Variants in XPO7 observed in about 807,000 individuals in gnomAD.
XPO7 encodes exportin 7, also known as exportin-7.
XPO7 carries 21 observed loss-of-function variants against 144.3 expected under a neutral mutation model. That is an observed-to-expected ratio of 0.15 (90% CI 0.10 to 0.21). The LOEUF is 0.21. XPO7 is among the 10% of genes least tolerant of loss of function. The pLI, the probability that XPO7 is intolerant of heterozygous loss-of-function variation, is 1.00. For missense variants in XPO7, 808 were observed against 1,325.8 expected (o/e 0.61, Z 6.06); for synonymous variants, 580 against 499.6 (o/e 1.16, Z -2.15).
Position 21,964,539 on chromosome 8 carries a change from A to T in XPO7, c.19-2318A>T, listed in dbSNP as rs187255830. Among the ~76,000 whole-genome samples the T allele has an allele frequency of 7.5e-3, 1,137 of 152,296 alleles. 15 individuals carry two copies. The highest frequency in any genetic ancestry group is 0.037 in the Admixed American group (561 of 15,288). ...CGGTAGTGTGGGCAACCCAAAGAAA[A>T]TGACCCTGTTTTTCAGATGTTTCCA... On this transcript the variant is annotated intron_variant, in intron 1 of 27. Transcript: ENST00000252512.
intron 3 of XPO7, 200 bp from the exon 4 acceptor site, chr8:21,969,944 A>T (rs1811998350): frequency 4.8e-6 from 3 of 630,222 alleles, no homozygotes; most frequent in Non-Finnish European, 7.8e-6. Context: ...GAGACAAAAT[A>T]AAATTCTGAA....
At chr8:21,930,431 C>T (rs1810607029) in intron 1 of XPO7, among the ~76,000 whole-genome samples, 1 of 152,160 alleles carries the variant, frequency 6.6e-6, no homozygotes. Flanking sequence ...TAGGACACAT[C>T]TATGCATAGA....
At chr8:21,937,102 A>G (rs1810844841) in intron 1 of XPO7, among the ~76,000 whole-genome samples, 1 of 152,248 alleles carries the variant, frequency 6.6e-6, no homozygotes, top group Non-Finnish European at 1.5e-5. Flanking sequence ...ATAAGAGGTT[A>G]AAAGTTTCAA....
At chr8:21,928,173 ATAATGGACTTACTG>A (rs2117242717) in intron 1 of XPO7, among the ~76,000 whole-genome samples, 1 of 152,230 alleles carries the variant, frequency 6.6e-6, no homozygotes, top group East Asian at 1.9e-4. Flanking sequence ...GGAATTTTAT[ATAATGGACTTACTG>A]TATACTCTTG....
intron 1 of XPO7, among the ~76,000 whole-genome samples, chr8:21,963,409 G>C (rs928264197): frequency 6.6e-6 from 1 of 151,550 alleles, no homozygotes; most frequent in African/African-American, 2.4e-5. Context: ...TAATTTAAAA[G>C]TATAGACCGG....
At chr8:22,003,170 G>C (rs778058373) in intron 25 of XPO7, 49 bp from the exon 26 acceptor site, 1 of 1,450,036 alleles carries the variant, frequency 6.9e-7, no homozygotes, top group Non-Finnish European at 9.5e-7. Context: ...TTTTATCTTG[G>C]GTAGCAATAC....
intron 1 of XPO7, among the ~76,000 whole-genome samples, chr8:21,922,955 G>A (rs370900262): frequency 3.9e-5 from 6 of 152,150 alleles, no homozygotes; most frequent in Admixed American, 2.6e-4. Flanking sequence ...CCAGGGAGTT[G>A]TGAAGAATCA....
At chr8:21,921,465 GAGTC>G (rs1007348789) in intron 1 of XPO7, 9 of 152,142 alleles carry the variant, frequency 5.9e-5, no homozygotes, top group African/African-American at 2.2e-4. Flanking sequence ...AATGCAGAGG[GAGTC>G]AGTACTTTTA....
intron 14 of XPO7, among the ~76,000 whole-genome samples, chr8:21,987,517 G>A (rs1358121397): frequency 6.6e-6 from 1 of 152,144 alleles, no homozygotes; most frequent in Non-Finnish European, 1.5e-5. Context: ...CCACAAATGG[G>A]CAATTCTTAG....
In XPO7 at chr8:21,990,836, T is replaced by G. The variant is rs1417749614; in HGVS notation, c.1958T>G (p.Ile653Ser). The change falls in exon 18 of 28, where the codon ATT becomes AGT. Residue 653 changes from isoleucine to serine, a missense_variant. Around this residue, in one of 5 missense-constraint regions of XPO7, gnomAD observed 416 missense variants for 612.5 expected, o/e 0.68. Transcript: ENST00000252512. ...HTSEHFSFLG[I>S]NNQSNLTDMR... The stretch of plus-strand genomic sequence containing the variant: ...AGCGAGCACTTTTCATTTTTGGGTA[T>G]TAACAATCAGTCCAACCTGACAGAC... 1.2e-6 allele frequency: 2 copies of G among 1,614,008 alleles called. No individual in the cohort carries two copies.
At chr8:21,984,528 G>T in intron 11 of XPO7, 118 bp from the exon 12 acceptor site, 2 of 922,794 alleles carry the variant, frequency 2.2e-6, no homozygotes, top group Non-Finnish European at 3.2e-6. Context: ...GTAATGTCGG[G>T]ATGTAGACCT....
chr8:21,991,636 A>G, intron 18 of XPO7: 1 of 387,842 alleles, frequency 2.6e-6, no homozygotes, highest in Non-Finnish European at 4.6e-6. Context: ...ACTGTGGCTC[A>G]GCATCAACAA....
intron 21 of XPO7, among the ~76,000 whole-genome samples, chr8:21,997,356 CAAAAT>C (rs1185173704): frequency 6.6e-6 from 1 of 151,930 alleles, no homozygotes; most frequent in Non-Finnish European, 1.5e-5. Flanking sequence ...TGCCATGAAA[CAAAAT>C]AAAACAAGGC....
chr8:21,947,571 G>A (rs868231845), intron 1 of XPO7, among the ~76,000 whole-genome samples: 9 of 152,118 alleles, frequency 5.9e-5, no homozygotes, highest in Middle Eastern at 6.8e-3. Context: ...ATATTTAAGA[G>A]GTTTTTACAT....
Position 22,000,284 on chromosome 8 carries a change from C to T in XPO7, c.2782+610C>T, listed in dbSNP as rs1338973922. Among the ~76,000 whole-genome samples the T allele has an allele frequency of 1.3e-5, 2 of 152,140 alleles. 1 individual carries two copies. Among genetic ancestry groups the T allele is most frequent in the Admixed American group, 1.3e-4 (2 of 15,288 alleles). Reference sequence around the variant, plus strand: ...GCTTTAGAGATAAGCAGGAGCAAATCTGGAGATCATGAAGGGGGCCCGCCT... The same window carrying T: ...GCTTTAGAGATAAGCAGGAGCAAATTTGGAGATCATGAAGGGGGCCCGCCT... On this transcript the variant is annotated intron_variant, in intron 24 of 27. Transcript: ENST00000252512.
intron 20 of XPO7, among the ~76,000 whole-genome samples, 164 bp from the exon 21 acceptor site, chr8:21,995,328 A>G (rs1236927718): frequency 6.6e-6 from 1 of 152,170 alleles, no homozygotes; most frequent in Non-Finnish European, 1.5e-5. Context: ...ACACAAAATC[A>G]CTTTAGTATC....
At chr8:21,996,736 G>A (rs981320142) in intron 21 of XPO7, among the ~76,000 whole-genome samples, 1 of 152,074 alleles carries the variant, frequency 6.6e-6, no homozygotes, top group Admixed American at 6.6e-5. Flanking sequence ...TTCAGGTATG[G>A]GCATTGGTCT....
At position 21,999,272 on chromosome 8, in the gene XPO7, G is replaced by A. The variant is rs1441687988; in HGVS notation, c.2610G>A (p.Lys870=). 6.2e-7 allele frequency: 1 copy of A among 1,613,314 alleles called. No individual in the cohort carries two copies. Among genetic ancestry groups the A allele is most frequent in the Non-Finnish European group, 8.5e-7 (1 of 1,179,878 alleles). Residue 870 remains lysine, a synonymous_variant, in exon 23 of 28, where the codon AAG becomes AAA. Coordinates refer to ENST00000252512, the MANE Select transcript of XPO7 (RefSeq NM_015024.5). ...ALDNALQTFI[K]LLLSIPHSDL... Reference sequence around the variant, plus strand: ...ACAATGCTCTGCAGACCTTCATCAAGCTGCTCCTCTCTATTCCTCACAGTG... The same window carrying A: ...ACAATGCTCTGCAGACCTTCATCAAACTGCTCCTCTCTATTCCTCACAGTG...
rs188697237 is a variant in XPO7, at chr8:21,971,867, T to C, written c.427-9T>C. The C allele has an allele frequency of 2.7e-5, 43 of 1,609,666 alleles. No individual in the cohort carries two copies. Among genetic ancestry groups the C allele is most frequent in the Non-Finnish European group, 3.6e-5 (42 of 1,177,562 alleles). On this transcript the variant is annotated splice_polypyrimidine_tract_variant and intron_variant, in intron 4 of 27. Transcript: ENST00000252512. ...ACAACTCTTTCTACCTTATACTTTTTTTAACCAGGATAGTGTTGAATACTG... is the reference window on the plus strand; with the variant it reads ...ACAACTCTTTCTACCTTATACTTTTCTTAACCAGGATAGTGTTGAATACTG...
Sources: allele counts gnomAD v4.1 joint callset (sites outside exome capture counted in the v4.1 genomes callset), GRCh38; gene constraint gnomAD v4.1.1; regional missense constraint gnomAD v4.1.1; transcripts MANE v1.5; gene names NCBI Gene and HGNC (gene_info 2026-07-23, HGNC 2026-07-21).